RAMP3: variants seen among roughly 807,000 people sequenced by gnomAD.
RAMP3 encodes receptor activity-modifying protein 3.
In RAMP3, 14 loss-of-function variants were observed where a neutral mutation model predicts 13.5. That is an observed-to-expected ratio of 1.04 (90% CI 0.69 to 1.63). The LOEUF (loss-of-function observed/expected upper bound fraction) is 1.63. Ranked by LOEUF, RAMP3 falls within the 40% of genes most tolerant of loss-of-function variation. The probability of loss-of-function intolerance (pLI) is 0.00; values close to 1 mark genes in which losing one functional copy is unlikely to be tolerated. For synonymous variants in RAMP3, 106 were observed against 88.3 expected (o/e 1.20, Z -1.12); for missense variants, 200 against 204.8 (o/e 0.98, Z 0.14).
At chr7:45,180,719 C>T (rs1786287936) in intron 2 of RAMP3, among the ~76,000 whole-genome samples, 1 of 152,252 alleles carries the variant, frequency 6.6e-6, no homozygotes, top group South Asian at 2.1e-4. Flanking sequence ...GGTGGGCAAA[C>T]ACCCCAGAGG....
chr7:45,163,154 G>T, intron 1 of RAMP3: 6 of 985,090 alleles, frequency 6.1e-6, no homozygotes, highest in Non-Finnish European at 7.2e-6. Flanking sequence ...CCATGCAATA[G>T]GCCTGGGCTG....
chr7:45,169,123 C>A (rs1193925601), intron 1 of RAMP3, among the ~76,000 whole-genome samples: 2 of 152,138 alleles, frequency 1.3e-5, no homozygotes, highest in South Asian at 2.1e-4. Context: ...TGAGATAAAA[C>A]CTTCTTGGTC....
intron 1 of RAMP3, among the ~76,000 whole-genome samples, chr7:45,158,361 A>C (rs762170084): frequency 9.9e-5 from 15 of 152,120 alleles, no homozygotes; most frequent in Non-Finnish European, 2.1e-4. Flanking sequence ...TGGTCCTCCC[A>C]GGGCCCCTCA....
At chr7:45,178,151 G>A (rs74461121) in intron 2 of RAMP3, among the ~76,000 whole-genome samples, 37 of 152,288 alleles carry the variant, frequency 2.4e-4, no homozygotes, top group African/African-American at 8.4e-4. Context: ...TACAGCACCA[G>A]TCATGGCTGG....
intron 2 of RAMP3, among the ~76,000 whole-genome samples, chr7:45,181,591 C>A (rs1786316377): frequency 6.6e-6 from 1 of 152,200 alleles, no homozygotes. Flanking sequence ...ATGCTGGGAA[C>A]TTCTGAAGGT....
chr7:45,182,794 C>A (rs773519748), intron 2 of RAMP3, among the ~76,000 whole-genome samples: 1 of 152,116 alleles, frequency 6.6e-6, no homozygotes, highest in Non-Finnish European at 1.5e-5. Flanking sequence ...CAGGTCCAAG[C>A]GGCTGTGATC....
chr7:45,181,445 G>A (rs1406114096), intron 2 of RAMP3, among the ~76,000 whole-genome samples: 1 of 152,198 alleles, frequency 6.6e-6, no homozygotes, highest in Admixed American at 6.5e-5. Flanking sequence ...GTCCACAGAG[G>A]GTCTTCTCCA....
intron 1 of RAMP3, among the ~76,000 whole-genome samples, chr7:45,171,702 G>C (rs757403751): frequency 3.5e-4 from 54 of 152,114 alleles, no homozygotes; most frequent in Non-Finnish European, 1.3e-4. Context: ...AGACTCCTGG[G>C]TTTGAGCAAT....
chr7:45,183,982 C>T lies in RAMP3; in HGVS notation c.*570C>T, dbSNP rs1046308. 0.43 allele frequency: 175,432 copies of T among 412,466 alleles called. 41,067 individuals carry two copies. Among genetic ancestry groups the T allele is most frequent in the Admixed American group, 0.51 (13,110 of 25,610 alleles). The allele number at this position is 412,466 out of a possible 1,614,324, so 25.6% of individuals were successfully genotyped here. ...AAAGGCTGGGAGGAGAAGGGAGGGG[C>T]TGGGGGTTCCCAGGAGCCATGCGTG... On this transcript the variant is annotated 3_prime_UTR_variant, in exon 3 of 3. Transcript: ENST00000242249.
rs1422489763 is a variant in RAMP3, at chr7:45,163,447, C to A, written c.58+5561C>A. 5 of 985,404 alleles carry A rather than the reference C, an allele frequency of 5.1e-6. No homozygotes were observed. The East Asian group carries it at 4.5e-4, about 89-fold the overall frequency. 61.0% of individuals were successfully genotyped at this position (985,404 alleles called of 1,614,324 possible). On this transcript the variant is annotated intron_variant, in intron 1 of 2. Coordinates refer to ENST00000242249, the MANE Select transcript of RAMP3 (RefSeq NM_005856.3). ...AGCTTGGGATACACAGAAGTGGGAG[C>A]TGCTGGTGTCCAGGAAGGAGGCTGT...
chr7:45,160,246 C>T (rs145071098), intron 1 of RAMP3, among the ~76,000 whole-genome samples: 11 of 138,608 alleles, frequency 7.9e-5, no homozygotes, highest in East Asian at 4.6e-4. Context: ...GCAGAGGAAT[C>T]GCTTGAACCT....
chr7:45,176,443 G>GCGCA (rs1233560902), intron 1 of RAMP3, among the ~76,000 whole-genome samples: 16 of 133,520 alleles, frequency 1.2e-4, no homozygotes, highest in African/African-American at 4.1e-4. Flanking sequence ...GGCTGTGCGT[G>GCGCA]CACACACACA....
rs141649504 is a variant in RAMP3 at position 45,171,436 on chromosome 7, G to A, written c.59-5873G>A. Among the ~76,000 whole-genome samples, 520 of 152,266 alleles carry A rather than the reference G, an allele frequency of 3.4e-3. 11 individuals are homozygous for A. The highest frequency in any genetic ancestry group is 0.023 in the Admixed American group (359 of 15,296). On this transcript the variant is annotated intron_variant, in intron 1 of 2. Transcript: ENST00000242249. ...CTCTGAAAGTTCTGGGATTACAGGC[G>A]TGAGCCACCACGCTCAGCCCTGTCT...
intron 1 of RAMP3, among the ~76,000 whole-genome samples, chr7:45,167,201 C>T (rs1785980379): frequency 6.6e-6 from 1 of 152,106 alleles, no homozygotes; most frequent in Non-Finnish European, 1.5e-5. Flanking sequence ...TCGTGATCTG[C>T]CTGCCACGGC....
chr7:45,162,703 G>C (rs1370936585), intron 1 of RAMP3, among the ~76,000 whole-genome samples: 1 of 152,330 alleles, frequency 6.6e-6, no homozygotes, highest in East Asian at 1.9e-4. Flanking sequence ...CAGTACTGAG[G>C]GGGGTGGAGA....
chr7:45,170,203 T>C (rs1460579082), intron 1 of RAMP3, among the ~76,000 whole-genome samples: 1 of 151,934 alleles, frequency 6.6e-6, no homozygotes, highest in Admixed American at 6.5e-5. Context: ...ATTTTGTAGT[T>C]CATTAATTTC....
intron 1 of RAMP3, among the ~76,000 whole-genome samples, chr7:45,175,512 A>AC (rs1469355276): frequency 6.6e-6 from 1 of 151,998 alleles, no homozygotes; most frequent in African/African-American, 2.4e-5. Context: ...ACCAGCTGTG[A>AC]CCCCCAGGGG....
At chr7:45,176,352 T>G (rs554513994) in intron 1 of RAMP3, among the ~76,000 whole-genome samples, 1 of 151,392 alleles carries the variant, frequency 6.6e-6, no homozygotes, top group Non-Finnish European at 1.5e-5. Flanking sequence ...TGCATACACA[T>G]ATGCACTAAG....
At chr7:45,158,674 G>T (rs1429018144) in intron 1 of RAMP3, among the ~76,000 whole-genome samples, 1 of 151,432 alleles carries the variant, frequency 6.6e-6, no homozygotes, top group Non-Finnish European at 1.5e-5. Context: ...TTCTGGGGGG[G>T]ACATTGGTGA....
Sources: allele counts gnomAD v4.1 joint callset (sites outside exome capture counted in the v4.1 genomes callset), GRCh38; gene constraint gnomAD v4.1.1; transcripts MANE v1.5; gene names NCBI Gene and HGNC (gene_info 2026-07-23, HGNC 2026-07-21).